FREM2: variants seen among roughly 807,000 people sequenced by gnomAD.
FREM2 encodes the protein FRAS1-related extracellular matrix protein 2.
FREM2 carries 119 observed loss-of-function variants against 219.9 expected under a neutral mutation model. The observed-to-expected ratio is 0.54, with a 90% CI of 0.47 to 0.63. FREM2 has a LOEUF of 0.63. Among genes scored for constraint, FREM2 ranks in the 30% least tolerant of loss-of-function variants. The pLI is 0.00. For synonymous variants in FREM2, 1,562 were observed against 1,522.8 expected (o/e 1.03, Z -0.60); for missense variants, 4,030 against 3,993.6 (o/e 1.01, Z -0.25).
chr13:38,846,238 G>A (rs1289486775), intron 6 of FREM2, among the ~76,000 whole-genome samples: 6 of 151,384 alleles, frequency 4.0e-5, no homozygotes, highest in African/African-American at 2.4e-5. Context: ...AAAAAGATAC[G>A]TGTTTTGCTT....
intron 17 of FREM2, 28 bp downstream of exon 17, chr13:38,872,962 A>G (rs755208519): frequency 1.2e-6 from 2 of 1,604,620 alleles, no homozygotes; most frequent in South Asian, 1.1e-5. Flanking sequence ...GGAAAATTCT[A>G]TAGTTTTGTA....
intron 2 of FREM2, among the ~76,000 whole-genome samples, chr13:38,716,321 G>T (rs866841177): frequency 6.6e-6 from 1 of 151,998 alleles, no homozygotes; most frequent in African/African-American, 2.4e-5. Flanking sequence ...TTTCAAAATA[G>T]GTACTTATGC....
chr13:38,692,301 A>G lies in FREM2; in HGVS notation c.4957A>G (p.Asn1653Asp). The change falls in exon 1 of 24, where the codon AAC (asparagine) becomes GAC (aspartate). Residue 1653 changes from asparagine to aspartate, a missense_variant. Around this residue, in one of 2 missense-constraint regions of FREM2, gnomAD observed 3,102 missense variants for 2,950.7 expected, o/e 1.05. Transcript: ENST00000280481. ...GAAGATCCAGGTCTTGGCTGTTGAC[A>G]ACAGTGTCCCCCAAATCGCAGTGAA... The part of the protein sequence containing the change: ...VMKIQVLAVD[N>D]SVPQIAVNKG... 6.2e-7 allele frequency: 1 copy of G among 1,611,564 alleles called. No homozygotes were observed. Among genetic ancestry groups the G allele is most frequent in the Admixed American group, 1.7e-5 (1 of 59,772 alleles).
At chr13:38,737,433 C>T (rs796322276) in intron 2 of FREM2, among the ~76,000 whole-genome samples, 13 of 152,202 alleles carry the variant, frequency 8.5e-5, no homozygotes, top group African/African-American at 2.4e-4. Context: ...TATGGCAAAG[C>T]GAATGTTTGC....
chr13:38,792,197 A>G (rs189951426), intron 6 of FREM2, among the ~76,000 whole-genome samples: 97 of 152,068 alleles, frequency 6.4e-4, no homozygotes, highest in African/African-American at 2.3e-3. Flanking sequence ...AAATACAAAA[A>G]ACTTAGCCGG....
rs969695746 is a variant in FREM2 at position 38,773,402 on chromosome 13, T to A, written c.5641+3594T>A. 3.9e-5 allele frequency among the ~76,000 whole-genome samples: 6 copies of A among 152,144 alleles called. No individual in the cohort carries two copies. The East Asian group carries it at 5.8e-4, about 15-fold the overall frequency. On this transcript the variant is annotated intron_variant, in intron 4 of 23. Coordinates refer to ENST00000280481, the MANE Select transcript of FREM2 (RefSeq NM_207361.6). Reference sequence around the variant, plus strand: ...CTACAGTCTCCCCCACACCCCCTTTTTTTTTCGAGACGGTATCTCACTCTG... The same window carrying A: ...CTACAGTCTCCCCCACACCCCCTTTATTTTTCGAGACGGTATCTCACTCTG...
At chr13:38,799,168 T>C (rs1874911601) in intron 6 of FREM2, among the ~76,000 whole-genome samples, 1 of 152,000 alleles carries the variant, frequency 6.6e-6, no homozygotes, top group Admixed American at 6.6e-5. Context: ...ATTTATGTAT[T>C]TTCATTTTTA....
At chr13:38,868,619 A>G (rs920504445) in intron 16 of FREM2, among the ~76,000 whole-genome samples, 2 of 152,246 alleles carry the variant, frequency 1.3e-5, no homozygotes, top group African/African-American at 2.4e-5. Flanking sequence ...GACAGCATTC[A>G]TGAAAATACG....
At chr13:38,716,155 A>C (rs1043459784) in intron 2 of FREM2, among the ~76,000 whole-genome samples, 9 of 152,034 alleles carry the variant, frequency 5.9e-5, no homozygotes, top group Non-Finnish European at 1.2e-4. Context: ...CCTAGAAGAG[A>C]GCTTTCTGCA....
At chr13:38,842,712 C>T (rs1415504159) in intron 6 of FREM2, among the ~76,000 whole-genome samples, 2 of 152,318 alleles carry the variant, frequency 1.3e-5, no homozygotes, top group East Asian at 3.9e-4. Context: ...CTCTTCCTTT[C>T]ATCTCAGGAG....
intron 6 of FREM2, among the ~76,000 whole-genome samples, chr13:38,809,845 TG>T (rs1313208101): frequency 6.6e-6 from 1 of 152,086 alleles, no homozygotes; most frequent in East Asian, 1.9e-4. Flanking sequence ...ATTTTAGGAT[TG>T]TTTTTTCTAC....
chr13:38,815,341 C>A (rs1047401646), intron 6 of FREM2, among the ~76,000 whole-genome samples: 1 of 151,930 alleles, frequency 6.6e-6, no homozygotes, highest in Non-Finnish European at 1.5e-5. Context: ...GTTTTGTTCC[C>A]TTGTAGAAGG....
chr13:38,768,771 T>C (rs1241932559), intron 3 of FREM2, among the ~76,000 whole-genome samples: 1 of 152,194 alleles, frequency 6.6e-6, no homozygotes, highest in African/African-American at 2.4e-5. Flanking sequence ...TTTTCACTGC[T>C]TTTGGATAAT....
chr13:38,837,398 G>T (rs970222320), intron 6 of FREM2, among the ~76,000 whole-genome samples: 1 of 152,190 alleles, frequency 6.6e-6, no homozygotes, highest in African/African-American at 2.4e-5. Context: ...ATGTGGTGCT[G>T]AGAAGAATGT....
At chr13:38,764,246 T>C in intron 2 of FREM2, 58 bp from the exon 3 acceptor site, 1 of 1,219,310 alleles carries the variant, frequency 8.2e-7, no homozygotes, top group Non-Finnish European at 1.2e-6. Flanking sequence ...CTGTGGAATT[T>C]TGAAGATCAC....
Position 38,689,457 on chromosome 13 carries a change from A to G in FREM2, c.2113A>G (p.Ser705Gly). Residue 705 changes from serine to glycine, a missense_variant, in exon 1 of 24, where the codon AGT becomes GGT. Around this residue, in one of 2 missense-constraint regions of FREM2, gnomAD observed 3,102 missense variants for 2,950.7 expected, o/e 1.05. Transcript: ENST00000280481. ...PVDRLPPELG[S>G]GCPLRMVVQE... is the part of the protein sequence containing the mutation. Reference sequence around the variant, plus strand: ...GGATCGCCTCCCTCCGGAGCTGGGCAGTGGCTGTCCCCTTCGTATGGTGGT... The same window carrying G: ...GGATCGCCTCCCTCCGGAGCTGGGCGGTGGCTGTCCCCTTCGTATGGTGGT... 2.5e-6 allele frequency: 4 copies of G among 1,614,092 alleles called. No individual in the cohort carries two copies. Among genetic ancestry groups the G allele is most frequent in the Non-Finnish European group, 3.4e-6 (4 of 1,180,008 alleles).
In FREM2 at chr13:38,851,119, T is replaced by C; in HGVS notation, c.6742+11T>C. The C allele has an allele frequency of 1.2e-6, 2 of 1,611,748 alleles. No individual in the cohort carries two copies. Among genetic ancestry groups the C allele is most frequent in the Non-Finnish European group, 1.7e-6 (2 of 1,179,262 alleles). ...GAGATGATGCTGATAGTAAGAAATC[T>C]TTTTTTGTTTGTTCAACTGTAAATT... On this transcript the variant is annotated intron_variant, in intron 10 of 23. Transcript: ENST00000280481.
At chr13:38,801,987 G>C (rs1285622675) in intron 6 of FREM2, among the ~76,000 whole-genome samples, 1 of 152,140 alleles carries the variant, frequency 6.6e-6, no homozygotes, top group African/African-American at 2.4e-5. Flanking sequence ...ATATCGGCAG[G>C]TTGGTTTGCC....
At chr13:38,866,603 G>T (rs1877976590) in intron 16 of FREM2, among the ~76,000 whole-genome samples, 1 of 150,504 alleles carries the variant, frequency 6.6e-6, no homozygotes, top group Non-Finnish European at 1.5e-5. Flanking sequence ...GGAGGCGGAG[G>T]TTGTGGTGAG....
Sources: allele counts gnomAD v4.1 joint callset (sites outside exome capture counted in the v4.1 genomes callset), GRCh38; gene constraint gnomAD v4.1.1; regional missense constraint gnomAD v4.1.1; transcripts MANE v1.5; gene names NCBI Gene and HGNC (gene_info 2026-07-23, HGNC 2026-07-21).